VCF1: variants seen among roughly 807,000 people sequenced by gnomAD.
VCF1 encodes the protein protein VCF1.
At chr17:73,231,468 C>T in the VCF1 span, among the ~76,000 whole-genome samples, 1 of 152,168 alleles carries the variant, frequency 6.6e-6, no homozygotes, top group Non-Finnish European at 1.5e-5. Context: ...TAAAATCTTT[C>T]CTCCCGCCTT....
the VCF1 span, chr17:73,229,474 A>G: frequency 8.1e-6 from 8 of 985,462 alleles, no homozygotes; most frequent in Non-Finnish European, 9.6e-6. Flanking sequence ...ACCAGTTAGC[A>G]TCTGTTACTT....
chr17:73,213,440 C>T, the VCF1 span, among the ~76,000 whole-genome samples: 1 of 152,102 alleles, frequency 6.6e-6, no homozygotes, highest in Non-Finnish European at 1.5e-5. Context: ...TCATTTTTTA[C>T]ATCATTTCAG....
chr17:73,207,501 C>G, the VCF1 span: 2 of 622,652 alleles, frequency 3.2e-6, no homozygotes, highest in Non-Finnish European at 5.6e-6. Context: ...ATATACAGGA[C>G]AGGGTGGAGA....
chr17:73,231,863 G>A, the VCF1 span, among the ~76,000 whole-genome samples: 1 of 152,064 alleles, frequency 6.6e-6, no homozygotes, highest in Non-Finnish European at 1.5e-5. Context: ...AAAGATGGAG[G>A]GGCGGGAGAC....
chr17:73,217,144 A>C, the VCF1 span, among the ~76,000 whole-genome samples: 2 of 152,172 alleles, frequency 1.3e-5, no homozygotes, highest in African/African-American at 4.8e-5. Flanking sequence ...AGCCTGGCCA[A>C]CATGGTGAAA....
At chr17:73,209,436 G>A in the VCF1 span, 9 of 1,436,456 alleles carry the variant, frequency 6.3e-6, no homozygotes, top group East Asian at 7.5e-5. Context: ...GGCATTTTTC[G>A]TGTGCAATTT....
At chr17:73,217,244 T>C in the VCF1 span, among the ~76,000 whole-genome samples, 9 of 151,972 alleles carry the variant, frequency 5.9e-5, no homozygotes, top group Admixed American at 6.6e-5. Flanking sequence ...TCACAGCTAT[T>C]TGGGAGGCTG....
At chr17:73,225,271 T>C in the VCF1 span, among the ~76,000 whole-genome samples, 1 of 152,184 alleles carries the variant, frequency 6.6e-6, no homozygotes, top group African/African-American at 2.4e-5. Context: ...CCCAGGAGGT[T>C]GAGTAACAAG....
chr17:73,221,935 G>A, the VCF1 span, among the ~76,000 whole-genome samples: 26 of 150,952 alleles, frequency 1.7e-4, no homozygotes, highest in Non-Finnish European at 3.4e-4. Context: ...TCGGGAGGCT[G>A]AGGCAGGAGA....
At chr17:73,223,415 T>G in the VCF1 span, among the ~76,000 whole-genome samples, 2 of 152,284 alleles carry the variant, frequency 1.3e-5, no homozygotes, top group South Asian at 4.1e-4. Context: ...ATATAACTAA[T>G]CCGGCAAATC....
the VCF1 span, among the ~76,000 whole-genome samples, chr17:73,228,633 C>G: frequency 6.6e-6 from 1 of 152,272 alleles, no homozygotes; most frequent in Non-Finnish European, 1.5e-5. Context: ...CCCCACCTTT[C>G]TCTTAGGAGA....
chr17:73,231,875 T>G, the VCF1 span, among the ~76,000 whole-genome samples: 1 of 151,956 alleles, frequency 6.6e-6, no homozygotes, highest in Non-Finnish European at 1.5e-5. Flanking sequence ...GCGGGAGACC[T>G]GGACCCCGGA....
chr17:73,230,716 C>A, the VCF1 span, among the ~76,000 whole-genome samples: 1 of 152,184 alleles, frequency 6.6e-6, no homozygotes, highest in Admixed American at 6.5e-5. Context: ...CCGTCTTAGA[C>A]CATCCTAGAG....
At chr17:73,216,434 G>A in the VCF1 span, among the ~76,000 whole-genome samples, 3 of 152,136 alleles carry the variant, frequency 2.0e-5, no homozygotes, top group Admixed American at 2.0e-4. Flanking sequence ...AGGGAAGGCC[G>A]ATGAGAAAGT....
chr17:73,219,083 C>T, the VCF1 span, among the ~76,000 whole-genome samples: 2 of 147,044 alleles, frequency 1.4e-5, no homozygotes, highest in Admixed American at 6.9e-5. Flanking sequence ...CCCAGCTACT[C>T]GGAAGGCTGA....
At chr17:73,224,466 TC>T in the VCF1 span, among the ~76,000 whole-genome samples, 2 of 152,064 alleles carry the variant, frequency 1.3e-5, no homozygotes, top group Non-Finnish European at 2.9e-5. Flanking sequence ...AAATGGTTTC[TC>T]TTACATAACT....
the VCF1 span, chr17:73,208,167 G>A: frequency 8.8e-4 from 1,357 of 1,535,552 alleles, 4 homozygotes; most frequent in Middle Eastern, 7.9e-3. Context: ...AATCTGGACC[G>A]ACAGCAAAGT....
At chr17:73,231,357 T>C in the VCF1 span, among the ~76,000 whole-genome samples, 1 of 152,122 alleles carries the variant, frequency 6.6e-6, no homozygotes, top group Non-Finnish European at 1.5e-5. Flanking sequence ...AAATCCCAAC[T>C]TAGTCCGGAC....
chr17:73,232,257 G>A, the VCF1 span: 3 of 1,611,160 alleles, frequency 1.9e-6, no homozygotes, highest in Admixed American at 1.7e-5. Context: ...GTACCCCTCA[G>A]TCGGACCCGT....
Sources: gnomAD v4.1 joint callset for allele counts (sites outside exome capture counted in the v4.1 genomes callset) on GRCh38, gnomAD v4.1.1 for gene constraint, MANE v1.5 for transcripts, NCBI Gene and HGNC (gene_info 2026-07-23, HGNC 2026-07-21) for gene names.